Variants in MCTP1 observed in about 807,000 individuals in gnomAD.
MCTP1 encodes multiple C2 and transmembrane domain containing 1, also known as multiple C2 and transmembrane domain-containing protein 1.
Under a neutral mutation model 120.6 loss-of-function variants are expected in MCTP1, and 69 were observed. That is an observed-to-expected ratio of 0.57 (90% CI 0.47 to 0.70). The LOEUF is 0.70. Among genes scored for constraint, MCTP1 ranks in the 30% least tolerant of loss-of-function variants. The pLI is 0.00. For missense variants in MCTP1, 1,203 were observed against 1,248.8 expected (o/e 0.96, Z 0.55); for synonymous variants, 529 against 493.1 (o/e 1.07, Z -0.96).
At chr5:95,265,937 G>C (rs1292258757) in intron 1 of MCTP1, among the ~76,000 whole-genome samples, 1 of 152,124 alleles carries the variant, frequency 6.6e-6, no homozygotes, top group African/African-American at 2.4e-5. Flanking sequence ...AAGGAATCTC[G>C]CTTCTGAAAG....
At chr5:94,791,310 T>C (rs1207232625) in intron 18 of MCTP1, among the ~76,000 whole-genome samples, 2 of 141,404 alleles carry the variant, frequency 1.4e-5, no homozygotes, top group African/African-American at 2.7e-5. Flanking sequence ...AAAAAAAAAA[T>C]TGAAGGAAAC....
At chr5:94,975,814 C>T (rs1005535674) in intron 2 of MCTP1, among the ~76,000 whole-genome samples, 4 of 152,126 alleles carry the variant, frequency 2.6e-5, no homozygotes, top group Non-Finnish European at 4.4e-5. Flanking sequence ...GCTGCTTGGA[C>T]GCCTTCCCTG....
chr5:94,885,258 C>G (rs1277618828), intron 12 of MCTP1, among the ~76,000 whole-genome samples: 1 of 150,282 alleles, frequency 6.7e-6, no homozygotes. Context: ...AACTGAGTGG[C>G]TGGTCTCCCT....
chr5:95,248,493 C>A (rs1757048219), intron 1 of MCTP1, among the ~76,000 whole-genome samples: 1 of 152,152 alleles, frequency 6.6e-6, no homozygotes, highest in South Asian at 2.1e-4. Flanking sequence ...AGGAGAACTA[C>A]AAACCACTGC....
intron 18 of MCTP1, 69 bp from the exon 19 acceptor site, chr5:94,779,232 C>G (rs76995120): frequency 0.075 from 98,324 of 1,314,554 alleles, 4,325 homozygotes; most frequent in South Asian, 0.11. Flanking sequence ...CATTTTGAAC[C>G]TTTTGGAAAT....
At chr5:95,253,780 G>A (rs1757611458) in intron 1 of MCTP1, among the ~76,000 whole-genome samples, 1 of 152,056 alleles carries the variant, frequency 6.6e-6, no homozygotes. Flanking sequence ...TCCTAGTGGT[G>A]GGAACGAGTG....
chr5:94,794,857 T>C (rs1421542442), intron 18 of MCTP1, among the ~76,000 whole-genome samples: 1 of 152,140 alleles, frequency 6.6e-6, no homozygotes, highest in African/African-American at 2.4e-5. Context: ...TGTGTCAGCT[T>C]GAAGGTAGAG....
intron 1 of MCTP1, among the ~76,000 whole-genome samples, chr5:95,109,299 G>A (rs1323054272): frequency 1.3e-5 from 2 of 151,954 alleles, no homozygotes; most frequent in Non-Finnish European, 2.9e-5. Flanking sequence ...AAATAAGAAT[G>A]GTATAAACTA....
intron 1 of MCTP1, among the ~76,000 whole-genome samples, chr5:95,025,918 T>G (rs1261766105): frequency 6.6e-6 from 1 of 152,148 alleles, no homozygotes; most frequent in Non-Finnish European, 1.5e-5. Flanking sequence ...ATAGATATCA[T>G]GAAACACCTG....
rs753948823 is a variant in MCTP1, at chr5:94,710,910, A to G, written c.2738T>C (p.Val913Ala). 24 of 1,612,098 alleles carry G rather than the reference A, an allele frequency of 1.5e-5. No individual in the cohort carries two copies. In the African/African-American group the frequency reaches 2.0e-4, roughly 13 times the overall value. ...ERIKNTFNWT[V>A]PFLSWLAIVA... ...AATGGCCAGCCAGCTTAAGAATGGGACAGTCCAGTTGAAAGTACTGAATGG... is the reference window on the plus strand; with the variant it reads ...AATGGCCAGCCAGCTTAAGAATGGGGCAGTCCAGTTGAAAGTACTGAATGG... The change falls in exon 21 of 23, where the codon GTC becomes GCC. Residue 913 changes from valine (V) to alanine (A), a missense_variant. Physicochemically the swap from Val to Ala is moderately conservative, Grantham distance 64. Transcript: ENST00000515393.
intron 1 of MCTP1, among the ~76,000 whole-genome samples, chr5:95,221,506 G>A (rs1753693677): frequency 1.3e-5 from 2 of 152,238 alleles, no homozygotes; most frequent in South Asian, 4.1e-4. Context: ...GTGACAAATG[G>A]GGCACATGAG....
chr5:94,783,084 G>A (rs185310), intron 18 of MCTP1, among the ~76,000 whole-genome samples: 70,403 of 151,716 alleles, frequency 0.46, 16,533 homozygotes, highest in East Asian at 0.64. Flanking sequence ...ACAGACTTAT[G>A]TGCCACACAG....
At chr5:95,104,882 A>G (rs1386924035) in intron 1 of MCTP1, among the ~76,000 whole-genome samples, 4 of 152,230 alleles carry the variant, frequency 2.6e-5, no homozygotes, top group African/African-American at 9.6e-5. Context: ...CTGCACATTT[A>G]AATGGCTGGG....
At chr5:94,807,893 C>G (rs1782681741) in intron 17 of MCTP1, among the ~76,000 whole-genome samples, 1 of 152,020 alleles carries the variant, frequency 6.6e-6, no homozygotes, top group Admixed American at 6.6e-5. Flanking sequence ...AAAGAAGAAA[C>G]TATATGTGTA....
chr5:95,168,289 G>T (rs1746713251), intron 1 of MCTP1, among the ~76,000 whole-genome samples: 1 of 152,180 alleles, frequency 6.6e-6, no homozygotes, highest in African/African-American at 2.4e-5. Flanking sequence ...TGCTGTTTTG[G>T]TTACTGTAGC....
chr5:94,737,463 G>A (rs1764537834), intron 19 of MCTP1, among the ~76,000 whole-genome samples: 1 of 152,092 alleles, frequency 6.6e-6, no homozygotes, highest in South Asian at 2.1e-4. Context: ...TCTTGTCACT[G>A]TTTGAATACT....
Position 95,284,588 on chromosome 5 carries a change from G to GCTCCTCCTCTCCCCTCCTC in MCTP1, c.-32_-14dup. ...CCCGGGGCTCCATCCTCCACCCCCTGCTCCTCCTCTCCCCTCCTCCTCCTC... is the reference window on the plus strand; with the variant it reads ...CCCGGGGCTCCATCCTCCACCCCCTGCTCCTCCTCTCCCCTCCTCCTCCTCCTCTCCCCTCCTCCTCCTC... On this transcript the variant is annotated 5_prime_UTR_variant, in exon 1 of 23. Transcript: ENST00000515393. The surrounding 1 kb of genome is among the most constrained non-coding windows in gnomAD (Gnocchi z 5.2). 1 of 1,413,200 alleles carries GCTCCTCCTCTCCCCTCCTC rather than the reference G, an allele frequency of 7.1e-7. No individual in the cohort carries two copies. The highest frequency in any genetic ancestry group is 9.1e-7 in the Non-Finnish European group (1 of 1,096,028). 87.5% of individuals were successfully genotyped at this position (1,413,200 alleles called of 1,614,324 possible).
At chr5:94,825,488 A>G (rs937042883) in intron 17 of MCTP1, among the ~76,000 whole-genome samples, 1 of 152,084 alleles carries the variant, frequency 6.6e-6, no homozygotes, top group Non-Finnish European at 1.5e-5. Flanking sequence ...AATAAGTGCT[A>G]TGTGGTGCTG....
intron 12 of MCTP1, chr5:94,877,492 T>A (rs1048226591): frequency 1.3e-5 from 2 of 152,062 alleles, no homozygotes; most frequent in African/African-American, 2.4e-5. Context: ...TTAAAGCATA[T>A]ATTCTATTGT....
Sources: gnomAD v4.1 joint callset for allele counts (sites outside exome capture counted in the v4.1 genomes callset) on GRCh38, gnomAD v4.1.1 for gene constraint, Gnocchi (gnomAD v3.1) non-coding constraint, MANE v1.5 for transcripts, NCBI Gene and HGNC (gene_info 2026-07-23, HGNC 2026-07-21) for gene names.